TMEM237: variants seen among roughly 807,000 people sequenced by gnomAD.
TMEM237 encodes transmembrane protein 237.
TMEM237 carries 51 observed loss-of-function variants against 59.1 expected under a neutral mutation model. The ratio of observed to expected loss-of-function variants is 0.86; its 90% CI spans 0.69 to 1.09. The LOEUF is 1.09. Among genes scored for constraint, TMEM237 ranks in the 50% least tolerant of loss-of-function variants. TMEM237 has a pLI of 0.00. For synonymous variants in TMEM237, 140 were observed against 166.1 expected, an observed-to-expected ratio of 0.84 and a Z score of 1.21; for missense variants, 475 against 478.3, an observed-to-expected ratio of 0.99 and a Z score of 0.06.
chr2:201,628,677 C>T (rs941569240), intron 9 of TMEM237, among the ~76,000 whole-genome samples: 17 of 152,220 alleles, frequency 1.1e-4, no homozygotes, highest in African/African-American at 3.9e-4. Flanking sequence ...GGGGAAAGTG[C>T]TGCATGACGA....
chr2:201,643,282 A>C lies in TMEM237; in HGVS notation c.42+77T>G, dbSNP rs532683912. 27,480 of 714,894 alleles carry C rather than the reference A, an allele frequency of 0.038. 181 individuals carry two copies. The highest frequency in any genetic ancestry group is 0.049 in the East Asian group (1,320 of 26,770). 44.3% of individuals were successfully genotyped at this position (714,894 alleles called of 1,614,324 possible). A position where few individuals can be genotyped will look rare whatever the true frequency, so the allele number is the denominator to read the frequency against. ...ATTCCCAGCTCGTTGGCGCCCCCCC[A>C]CACACACCCACCCCCACTGCCAAGT... On this transcript the variant is annotated intron_variant, in intron 1 of 12. Transcript: ENST00000409883. The surrounding 1 kb of genome is among the most constrained non-coding windows in gnomAD (Gnocchi z 4.3).
chr2:201,626,735 C>G (rs985124570), intron 11 of TMEM237, among the ~76,000 whole-genome samples: 1 of 152,090 alleles, frequency 6.6e-6, no homozygotes, highest in Non-Finnish European at 1.5e-5. Flanking sequence ...AACTCCCTGA[C>G]AGGGGGTAAG....
At chr2:201,636,037 G>GT (rs1342134370) in intron 5 of TMEM237, 1 of 152,150 alleles carries the variant, frequency 6.6e-6, no homozygotes, top group African/African-American at 2.4e-5. Flanking sequence ...ATGATTATCT[G>GT]TGTCACCCTA....
chr2:201,626,534 GAAAAAAAA>G (rs751155005), intron 11 of TMEM237, among the ~76,000 whole-genome samples: 84 of 96,042 alleles, frequency 8.7e-4, no homozygotes, highest in African/African-American at 3.1e-3. Context: ...AGCATTTGGG[GAAAAAAAA>G]AAAAAAAAAA....
intron 1 of TMEM237, chr2:201,642,471 G>T: frequency 3.1e-6 from 3 of 965,314 alleles, no homozygotes; most frequent in South Asian, 1.8e-5. Flanking sequence ...CCAGGGCTCT[G>T]TTCACGTAAC....
In TMEM237 at chr2:201,628,262, C is replaced by T. The variant is rs1263435306; in HGVS notation, c.870-113G>A. Reference sequence around the variant, plus strand: ...TCTAATGCTAGCACATATACTATTACTAGGTTTTAAGTAGCTACAGTGTAT... The same window carrying T: ...TCTAATGCTAGCACATATACTATTATTAGGTTTTAAGTAGCTACAGTGTAT... On this transcript the variant is annotated intron_variant, in intron 9 of 12. Coordinates refer to ENST00000409883, the MANE Select transcript of TMEM237 (RefSeq NM_001044385.3). 21 of 666,378 alleles carry T rather than the reference C, an allele frequency of 3.2e-5. No individual in the cohort carries two copies. The Admixed American group carries it at 5.1e-4, about 16-fold the overall frequency. 41.3% of individuals were successfully genotyped at this position (666,378 alleles called of 1,614,324 possible).
chr2:201,633,138 T>G (rs1372788847), intron 6 of TMEM237, among the ~76,000 whole-genome samples, 173 bp downstream of exon 6: 1 of 152,214 alleles, frequency 6.6e-6, no homozygotes, highest in African/African-American at 2.4e-5. Context: ...TGGTTTACTC[T>G]TCTGAAATTT....
chr2:201,640,908 A>G lies in TMEM237; in HGVS notation c.59T>C (p.Leu20Pro), dbSNP rs373956551. Reference protein sequence around the residue: ...EEGHLRPPRALPPVPSQDDIP... With the variant: ...EEGHLRPPRAPPPVPSQDDIP... ...TTATTTTTACCTTGGCACAGGTGGAAGAGCTCGTGGAGGACGCTGTGGCGG... is the reference window on the plus strand; with the variant it reads ...TTATTTTTACCTTGGCACAGGTGGAGGAGCTCGTGGAGGACGCTGTGGCGG... The change falls in exon 2 of 13, where the codon CTT (leucine) becomes CCT (proline). Residue 20 changes from leucine (L) to proline (P), a missense_variant. By Grantham distance (98) the Leu-to-Pro change is moderately conservative. Coordinates refer to ENST00000409883, the MANE Select transcript of TMEM237 (RefSeq NM_001044385.3). 10 of 1,602,308 alleles carry G rather than the reference A, an allele frequency of 6.2e-6. No individual in the cohort carries two copies. Among genetic ancestry groups the G allele is most frequent in the Non-Finnish European group, 8.5e-6 (10 of 1,171,626 alleles).
chr2:201,642,065 T>C (rs2105905086), intron 1 of TMEM237, among the ~76,000 whole-genome samples: 1 of 152,292 alleles, frequency 6.6e-6, no homozygotes, highest in Admixed American at 6.5e-5. Flanking sequence ...CTGGGAAGAA[T>C]GCGTTTTAGG....
At position 201,643,011 on chromosome 2, in the gene TMEM237, C is replaced by T; in HGVS notation, c.42+348G>A. 1 of 1,292,486 alleles carries T rather than the reference C, an allele frequency of 7.7e-7. No individual in the cohort carries two copies. Among genetic ancestry groups the T allele is most frequent in the Non-Finnish European group, 9.8e-7 (1 of 1,021,116 alleles). The allele number at this position is 1,292,486 out of a possible 1,614,324, so 80.1% of individuals were successfully genotyped here. A position where few individuals can be genotyped will look rare whatever the true frequency, so the allele number is the denominator to read the frequency against. On this transcript the variant is annotated intron_variant, in intron 1 of 12. Coordinates refer to ENST00000409883, the MANE Select transcript of TMEM237 (RefSeq NM_001044385.3). The surrounding 1 kb of genome is among the most constrained non-coding windows in gnomAD (Gnocchi z 4.3). ...CGAACAGATCTCTTCTGGGCAGCTA[C>T]AGACCTCTCCTCGGAGGAGTCTAGG...
rs746945048 is a variant in TMEM237 at position 201,629,215 on chromosome 2, A to G, written c.869+15T>C. 2.6e-6 allele frequency: 4 copies of G among 1,520,748 alleles called. No homozygotes were observed. The highest frequency in any genetic ancestry group is 1.4e-5 in the South Asian group (1 of 72,344). The allele number at this position is 1,520,748 out of a possible 1,614,324, so 94.2% of individuals were successfully genotyped here. ...TCCTGAAGAAGTTAGACAGATCTGG[A>G]GTCATAGGCATTACCTGTCAAAAGC... is the stretch of plus-strand genomic sequence containing the variant. On this transcript the variant is annotated intron_variant, in intron 9 of 12. Transcript: ENST00000409883.
chr2:201,643,427 G>A lies in TMEM237; in HGVS notation c.-27C>T. On this transcript the variant is annotated 5_prime_UTR_variant, in exon 1 of 13. Coordinates refer to ENST00000409883, the MANE Select transcript of TMEM237 (RefSeq NM_001044385.3). This position sits in a 1 kb window ranked among gnomAD's most constrained non-coding sequence, Gnocchi z 4.3. ...GTGCTCTCCCCGCGGGGCTGCCCCG[G>A]CGCAACCGCCGGCGGCCCGAGCCCA... 3 of 1,484,980 alleles carry A rather than the reference G, an allele frequency of 2.0e-6. No individual in the cohort carries two copies. Among genetic ancestry groups the A allele is most frequent in the African/African-American group, 1.5e-5 (1 of 68,582 alleles). The allele number at this position is 1,484,980 out of a possible 1,614,324, so 92.0% of individuals were successfully genotyped here.
chr2:201,627,080 GAA>G lies in TMEM237; in HGVS notation c.1037+239_1037+240del, dbSNP rs35942565. ...GGGTGACACAGCGAGACTCTATCTC[GAA>G]AAAAAAAAAAACTATAACTTGAAGA... On this transcript the variant is annotated intron_variant, in intron 11 of 12. Coordinates refer to ENST00000409883, the MANE Select transcript of TMEM237 (RefSeq NM_001044385.3). Among the ~76,000 whole-genome samples, 219 of 143,708 alleles carry G rather than the reference GAA, an allele frequency of 1.5e-3. 1 individual carries two copies. The highest frequency in any genetic ancestry group is 4.8e-3 in the East Asian group (24 of 5,030). The allele number at this position is 143,708 out of a possible 152,430, so 94.3% of individuals were successfully genotyped here.
chr2:201,636,995 CTCTT>C, intron 4 of TMEM237, 110 bp from the exon 5 acceptor site: 1 of 1,128,654 alleles, frequency 8.9e-7, no homozygotes, highest in Non-Finnish European at 1.2e-6. Context: ...ATAACCCCAT[CTCTT>C]TCAGAACTAA....
At position 201,636,857 on chromosome 2, in the gene TMEM237, C is replaced by A. The variant is rs768568104; in HGVS notation, c.165G>T (p.Gln55His). Reference protein sequence around the residue: ...PASASLEGLAQTAGRRPSEGN... With the variant: ...PASASLEGLAHTAGRRPSEGN... ...CCTCAGAGGGCCTTCGACCAGCAGT[C>A]TGAGCAAGGCCTTCCAAAGAAGCAC... is the stretch of plus-strand genomic sequence containing the variant. Residue 55 changes from glutamine to histidine, a missense_variant, in exon 5 of 13, where the codon CAG becomes CAT. Coordinates refer to ENST00000409883, the MANE Select transcript of TMEM237 (RefSeq NM_001044385.3). 11 of 1,606,236 alleles carry A rather than the reference C, an allele frequency of 6.8e-6. No homozygotes were observed. In the East Asian group the frequency reaches 2.5e-4, roughly 36 times the overall value.
intron 7 of TMEM237, chr2:201,631,130 G>C (rs1027470470): frequency 4.6e-5 from 7 of 152,138 alleles, no homozygotes; most frequent in Non-Finnish European, 1.0e-4. Flanking sequence ...AGGTCACTGG[G>C]AGGTAATTAG....
At chr2:201,641,463 T>A (rs1687416501) in intron 1 of TMEM237, among the ~76,000 whole-genome samples, 1 of 152,026 alleles carries the variant, frequency 6.6e-6, no homozygotes, top group African/African-American at 2.4e-5. Flanking sequence ...TCATATAAAA[T>A]TCCTTCCTTC....
chr2:201,638,960 A>G (rs1419523303), intron 4 of TMEM237, 29 bp downstream of exon 4: 1 of 1,563,292 alleles, frequency 6.4e-7, no homozygotes, highest in Non-Finnish European at 8.7e-7. Context: ...AAAACTTGTG[A>G]TCCCACACAA....
At chr2:201,627,132 G>A (rs1957766808) in intron 11 of TMEM237, among the ~76,000 whole-genome samples, 189 bp downstream of exon 11, 1 of 151,300 alleles carries the variant, frequency 6.6e-6, no homozygotes, top group Non-Finnish European at 1.5e-5. Flanking sequence ...TTAAAAGGAA[G>A]ATATTTCATT....
Sources: allele counts gnomAD v4.1 joint callset (sites outside exome capture counted in the v4.1 genomes callset), GRCh38; gene constraint gnomAD v4.1.1; non-coding constraint Gnocchi (gnomAD v3.1); transcripts MANE v1.5; gene names NCBI Gene and HGNC (gene_info 2026-07-23, HGNC 2026-07-21).